VWC2L: variants seen among roughly 807,000 people sequenced by gnomAD.
VWC2L encodes von Willebrand factor C domain-containing protein 2-like.
VWC2L carries 10 observed loss-of-function variants against 21.6 expected under a neutral mutation model. The ratio of observed to expected loss-of-function variants is 0.46; its 90% CI spans 0.29 to 0.78. VWC2L has a LOEUF of 0.78. Ranked by LOEUF, VWC2L falls within the 30% of genes least tolerant of loss-of-function variation. The pLI is 0.10. For missense variants in VWC2L, 209 were observed against 277.1 expected, an observed-to-expected ratio of 0.75 and a Z score of 1.74; for synonymous variants, 96 against 94.3, an observed-to-expected ratio of 1.02 and a Z score of -0.10.
At chr2:214,480,142 C>T (rs1332127661) in intron 3 of VWC2L, among the ~76,000 whole-genome samples, 4 of 152,140 alleles carry the variant, frequency 2.6e-5, no homozygotes, top group Non-Finnish European at 5.9e-5. Context: ...CACATAAGCA[C>T]TTGAGCATCT....
chr2:214,484,299 A>G (rs547814195), intron 3 of VWC2L, among the ~76,000 whole-genome samples: 1 of 152,340 alleles, frequency 6.6e-6, no homozygotes, highest in Admixed American at 6.5e-5. Context: ...CAAGGATGCT[A>G]GGAAGAAAAT....
intron 3 of VWC2L, among the ~76,000 whole-genome samples, chr2:214,464,460 G>A (rs1703187238): frequency 6.6e-6 from 1 of 152,102 alleles, no homozygotes; most frequent in Non-Finnish European, 1.5e-5. Context: ...ACCAGGCAGA[G>A]TCTCTTGTTT....
At chr2:214,452,538 A>T (rs998917221) in intron 3 of VWC2L, among the ~76,000 whole-genome samples, 2 of 152,098 alleles carry the variant, frequency 1.3e-5, no homozygotes, top group Non-Finnish European at 2.9e-5. Context: ...CTAATTTTTG[A>T]TTATTACAAA....
chr2:214,454,362 G>A (rs1190005392), intron 3 of VWC2L, among the ~76,000 whole-genome samples: 14 of 151,892 alleles, frequency 9.2e-5, no homozygotes, highest in Admixed American at 9.2e-4. Flanking sequence ...TGATCTTGTA[G>A]GATAATCATT....
chr2:214,556,656 T>C (rs1444411644), intron 3 of VWC2L, among the ~76,000 whole-genome samples: 1 of 152,204 alleles, frequency 6.6e-6, no homozygotes, highest in Non-Finnish European at 1.5e-5. Flanking sequence ...TCATTTTTTA[T>C]GCACACGCTA....
chr2:214,527,739 G>T (rs906387698), intron 3 of VWC2L, among the ~76,000 whole-genome samples: 1 of 152,072 alleles, frequency 6.6e-6, no homozygotes, highest in African/African-American at 2.4e-5. Flanking sequence ...CCTGTTTATT[G>T]TCTAAATAAA....
At chr2:214,520,904 T>C (rs1689227867) in intron 3 of VWC2L, among the ~76,000 whole-genome samples, 1 of 152,034 alleles carries the variant, frequency 6.6e-6, no homozygotes, top group African/African-American at 2.4e-5. Flanking sequence ...TTAATAATAA[T>C]AGTAATATAT....
intron 3 of VWC2L, among the ~76,000 whole-genome samples, chr2:214,491,713 T>A (rs922682986): frequency 6.6e-6 from 1 of 151,994 alleles, no homozygotes; most frequent in African/African-American, 2.4e-5. Flanking sequence ...AACACTGGAG[T>A]CAGATGGAAA....
intron 3 of VWC2L, among the ~76,000 whole-genome samples, chr2:214,519,503 C>A (rs1689197997): frequency 2.0e-5 from 3 of 152,136 alleles, no homozygotes; most frequent in South Asian, 2.1e-4. Context: ...ACCATGATAC[C>A]ACAAGTGTGT....
intron 3 of VWC2L, among the ~76,000 whole-genome samples, chr2:214,477,479 A>G (rs948569694): frequency 2.0e-5 from 3 of 152,148 alleles, no homozygotes; most frequent in African/African-American, 7.2e-5. Flanking sequence ...TTTTGTTCCT[A>G]TGACCACAAC....
chr2:214,459,902 C>CTAT (rs1703113624), intron 3 of VWC2L, among the ~76,000 whole-genome samples: 5 of 85,158 alleles, frequency 5.9e-5, no homozygotes, highest in Non-Finnish European at 1.0e-4. Flanking sequence ...TTTCCTTTGA[C>CTAT]TTTTTTTTTT....
intron 3 of VWC2L, among the ~76,000 whole-genome samples, chr2:214,510,562 C>T (rs1446148626): frequency 1.3e-5 from 2 of 152,134 alleles, no homozygotes; most frequent in African/African-American, 4.8e-5. Flanking sequence ...CTTCTAGTTT[C>T]CTCTCTCACA....
At chr2:214,462,437 C>T (rs917542781) in intron 3 of VWC2L, among the ~76,000 whole-genome samples, 42 of 152,202 alleles carry the variant, frequency 2.8e-4, no homozygotes, top group African/African-American at 9.6e-4. Flanking sequence ...TGCTAAATTA[C>T]GGTGTGCTCT....
At chr2:214,573,242 T>TACACAC (rs139028593) in intron 3 of VWC2L, among the ~76,000 whole-genome samples, 1 of 151,036 alleles carries the variant, frequency 6.6e-6, no homozygotes, top group South Asian at 2.1e-4. Context: ...CACATACACA[T>TACACAC]ACACACACAC....
intron 3 of VWC2L, among the ~76,000 whole-genome samples, chr2:214,512,849 G>C (rs965098253): frequency 1.3e-5 from 2 of 152,106 alleles, no homozygotes; most frequent in South Asian, 4.1e-4. Context: ...ATAGCTAGAA[G>C]TAAAATGATC....
intron 3 of VWC2L, among the ~76,000 whole-genome samples, chr2:214,556,975 AC>A (rs1282958130): frequency 8.5e-5 from 13 of 152,160 alleles, no homozygotes; most frequent in Non-Finnish European, 1.5e-4. Flanking sequence ...AATTACAGCA[AC>A]CCTACAGGGG....
chr2:214,458,516 T>A (rs1253934336), intron 3 of VWC2L, among the ~76,000 whole-genome samples: 1 of 152,068 alleles, frequency 6.6e-6, no homozygotes. Flanking sequence ...TTAAGGGGCA[T>A]CATTAGGTTG....
intron 2 of VWC2L, among the ~76,000 whole-genome samples, chr2:214,417,625 T>C (rs1252478206): frequency 6.6e-6 from 1 of 152,046 alleles, no homozygotes; most frequent in Non-Finnish European, 1.5e-5. Flanking sequence ...ATGGGTATAA[T>C]TGGAAGCTAG....
At chr2:214,495,676 C>CCA (rs1688801895) in intron 3 of VWC2L, among the ~76,000 whole-genome samples, 1 of 152,114 alleles carries the variant, frequency 6.6e-6, no homozygotes, top group Non-Finnish European at 1.5e-5. Context: ...CCAAACAGAG[C>CCA]TGTTCTATCA....
Sources: gnomAD v4.1 joint callset for allele counts (sites outside exome capture counted in the v4.1 genomes callset) on GRCh38, gnomAD v4.1.1 for gene constraint, MANE v1.5 for transcripts, NCBI Gene and HGNC (gene_info 2026-07-23, HGNC 2026-07-21) for gene names.